The following PODNL1 variants were observed in gnomAD, a reference collection of about 807,000 sequenced individuals.
PODNL1 encodes the protein podocan like 1, also known as podocan-like protein 1.
In PODNL1, 50 loss-of-function variants were observed where a neutral mutation model predicts 45.1. The ratio of observed to expected loss-of-function variants is 1.11; its 90% CI spans 0.88 to 1.40. PODNL1 has a LOEUF of 1.40. Among genes scored for constraint, PODNL1 ranks in the 40% most tolerant of loss-of-function variants. The pLI, the probability that PODNL1 is intolerant of heterozygous loss-of-function variation, is 0.00. For missense variants in PODNL1, 788 were observed against 793.3 expected (o/e 0.99, Z 0.08); for synonymous variants, 406 against 372.5 (o/e 1.09, Z -1.04).
intron 1 of PODNL1, chr19:13,952,929 A>G: frequency 5.8e-6 from 5 of 858,302 alleles, no homozygotes; most frequent in Admixed American, 2.9e-5. Context: ...AGGCGACCCC[A>G]GAGGCCGCAG....
Position 13,931,569 on chromosome 19 carries a change from A to G in PODNL1, c.*168T>C. The G allele has an allele frequency of 1.4e-6, 1 of 693,212 alleles. No homozygotes were observed. Among genetic ancestry groups the G allele is most frequent in the South Asian group, 7.8e-5 (1 of 12,874 alleles). The allele number at this position is 693,212 out of a possible 1,614,324, so 42.9% of individuals were successfully genotyped here. The stretch of plus-strand genomic sequence containing the variant: ...AGGCCGGCGTGGTCTGTGAGCCTGG[A>G]GTATGCCAGCTGTGTGCCTCTGTGT... On this transcript the variant is annotated 3_prime_UTR_variant, in exon 10 of 10. Transcript: ENST00000588872.
chr19:13,938,483 G>A, upstream of PODNL1: 1 of 1,234,064 alleles, frequency 8.1e-7, no homozygotes, highest in Non-Finnish European at 1.0e-6. Flanking sequence ...GCCTGGGCCG[G>A]GCCACAAGAA....
At position 13,933,501 on chromosome 19, in the gene PODNL1, G is replaced by A; in HGVS notation, c.768-46C>T. 5 of 1,509,998 alleles carry A rather than the reference G, an allele frequency of 3.3e-6. No individual in the cohort carries two copies. The highest frequency in any genetic ancestry group is 2.3e-5 in the East Asian group (1 of 43,916). 93.5% of individuals were successfully genotyped at this position (1,509,998 alleles called of 1,614,324 possible). A position where few individuals can be genotyped will look rare whatever the true frequency, so the allele number is the denominator to read the frequency against. On this transcript the variant is annotated intron_variant, in intron 7 of 9. Transcript: ENST00000588872. This position sits in a 1 kb window ranked among gnomAD's most constrained non-coding sequence, Gnocchi z 5.2. ...TGTTAGGTGGGGCACTTGGAGTGGG[G>A]TGCCTGACAGATTTTGGCGGGGAGG...
intron 6 of PODNL1, 123 bp downstream of exon 6, chr19:13,934,131 A>T: frequency 1.5e-6 from 2 of 1,370,912 alleles, no homozygotes; most frequent in Non-Finnish European, 2.0e-6. Context: ...TCAAAGAAGG[A>T]TAACTCTGAC....
chr19:13,933,225 T>C lies in PODNL1; in HGVS notation c.998A>G (p.His333Arg). The change falls in exon 8 of 10, where the codon CAC becomes CGC. Residue 333 changes from histidine to arginine, a missense_variant. Physicochemically the swap from His to Arg is conservative, Grantham distance 29. Transcript: ENST00000588872. This position sits in a 1 kb window ranked among gnomAD's most constrained non-coding sequence, Gnocchi z 5.2. ...CCCATTGCCATAGAGGTGCAGCGTG[T>C]GCAGGCCCCGCAGCGGCCGCAGAGC... Reference protein sequence around the residue: ...AGALRPLRGLHTLHLYGNGLD... With the variant: ...AGALRPLRGLRTLHLYGNGLD... The C allele has an allele frequency of 6.5e-7, 1 of 1,539,618 alleles. No individual in the cohort carries two copies. The highest frequency in any genetic ancestry group is 2.0e-5 in the Admixed American group (1 of 51,106).
chr19:13,946,005 T>TC (rs2145460495), intron 1 of PODNL1, among the ~76,000 whole-genome samples: 1 of 151,762 alleles, frequency 6.6e-6, no homozygotes, highest in African/African-American at 2.4e-5. Context: ...GCCACTGCAC[T>TC]CCAACTTGGG....
At position 13,931,797 on chromosome 19, in the gene PODNL1, C is replaced by T. The variant is rs896250222; in HGVS notation, c.1665G>A (p.Glu555=). The stretch of plus-strand genomic sequence containing the variant: ...TGGGAGGCAGCCGGATCAGGACCTG[C>T]TCCGGATTCCCTGCCGTGTCCACCA... The part of the protein sequence containing the change: ...LRVVDTAGNP[E]QVLIRLPPTT... The change falls in exon 10 of 10, where the codon GAG becomes GAA. Residue 555 remains glutamate (E), a synonymous_variant. Transcript: ENST00000588872. 8 of 1,231,846 alleles carry T rather than the reference C, an allele frequency of 6.5e-6. No homozygotes were observed. Among genetic ancestry groups the T allele is most frequent in the Non-Finnish European group, 8.1e-6 (8 of 987,904 alleles). 76.3% of individuals were successfully genotyped at this position (1,231,846 alleles called of 1,614,324 possible). A position where few individuals can be genotyped will look rare whatever the true frequency, so the allele number is the denominator to read the frequency against.
chr19:13,934,418 G>A lies in PODNL1; in HGVS notation c.495-8C>T, dbSNP rs1972183829. ...TTGTGGAGGTACACGGACCTGAGGA[G>A]AGCCAGGCTCCGGCCACCAGCCTGC... On this transcript the variant is annotated splice_region_variant and splice_polypyrimidine_tract_variant and intron_variant, in intron 5 of 9. Coordinates refer to ENST00000588872, the MANE Select transcript of PODNL1 (RefSeq NM_001370095.3). The A allele has an allele frequency of 6.7e-7, 1 of 1,502,038 alleles. No homozygotes were observed. The highest frequency in any genetic ancestry group is 8.9e-7 in the Non-Finnish European group (1 of 1,123,856). 93.0% of individuals were successfully genotyped at this position (1,502,038 alleles called of 1,614,324 possible).
rs142083249 is a variant in PODNL1, at chr19:13,935,803, G to A, written c.412C>T (p.Arg138Trp). The change falls in exon 5 of 10, where the codon CGG becomes TGG. Residue 138 changes from arginine to tryptophan, a missense_variant. Physicochemically the swap from Arg to Trp is moderately radical, Grantham distance 101. Coordinates refer to ENST00000588872, the MANE Select transcript of PODNL1 (RefSeq NM_001370095.3). ...GCCAGATCCGCGACACGGAGGGACC[G>A]GGGCAGAAACTGAGGGGCCACTGAG... ...KLSVAPQFLPRSLRVADLAAN... is the reference protein window; with the variant it reads ...KLSVAPQFLPWSLRVADLAAN... 1.4e-5 allele frequency: 23 copies of A among 1,602,834 alleles called. No individual in the cohort carries two copies. Among genetic ancestry groups the A allele is most frequent in the African/African-American group, 4.0e-5 (3 of 74,216 alleles).
chr19:13,936,049 G>T lies in PODNL1; in HGVS notation c.320-5C>A, dbSNP rs1321954015. 66 of 1,549,436 alleles carry T rather than the reference G, an allele frequency of 4.3e-5. No individual in the cohort carries two copies. Among genetic ancestry groups the T allele is most frequent in the Admixed American group, 7.8e-5 (4 of 51,086 alleles). ...CGAAGGCCTCGTCAGGCAGGCCTGG[G>T]AGAGTAGGGGGGCAGTGAAGGGACC... On this transcript the variant is annotated splice_region_variant and splice_polypyrimidine_tract_variant and intron_variant, in intron 3 of 9. Coordinates refer to ENST00000588872, the MANE Select transcript of PODNL1 (RefSeq NM_001370095.3).
intron 1 of PODNL1, among the ~76,000 whole-genome samples, chr19:13,952,874 A>C (rs1010979877): frequency 2.5e-4 from 1 of 3,922 alleles, no homozygotes; most frequent in East Asian, 6.8e-3. Context: ...AGGGGCTGGG[A>C]TGGAGGGGGT....
intron 1 of PODNL1, among the ~76,000 whole-genome samples, chr19:13,944,763 G>GT (rs149643438): frequency 0.05 from 7,338 of 146,840 alleles, 218 homozygotes; most frequent in Non-Finnish European, 0.07. Context: ...CCTGTTTGGG[G>GT]TTTTTTTTTT....
rs1339380228 is a variant in PODNL1, at chr19:13,931,482, G to C, written c.*255C>G. ...CTGGTCCGTGCTGAGTGCTGGAAGG[G>C]TTTGGCTTTATTGTTGCTGCCTCCA... On this transcript the variant is annotated 3_prime_UTR_variant, in exon 10 of 10. Coordinates refer to ENST00000588872, the MANE Select transcript of PODNL1 (RefSeq NM_001370095.3). 1 of 389,652 alleles carries C rather than the reference G, an allele frequency of 2.6e-6. No homozygotes were observed. The highest frequency in any genetic ancestry group is 4.5e-6 in the Non-Finnish European group (1 of 222,856). 24.1% of individuals were successfully genotyped at this position (389,652 alleles called of 1,614,324 possible).
upstream of PODNL1, among the ~76,000 whole-genome samples, chr19:13,941,639 C>T (rs187145859): frequency 9.9e-5 from 15 of 152,092 alleles, no homozygotes; most frequent in African/African-American, 3.1e-4. Context: ...GGTGAAACCC[C>T]GTCTCTACTA....
intron 1 of PODNL1, chr19:13,952,414 C>A (rs924638065): frequency 2.2e-5 from 27 of 1,233,444 alleles, no homozygotes; most frequent in Non-Finnish European, 2.6e-5. Context: ...GGGCTTTCGC[C>A]CAACCGGCGG....
chr19:13,946,967 C>T (rs1185656542), intron 1 of PODNL1, among the ~76,000 whole-genome samples: 6 of 147,968 alleles, frequency 4.1e-5, no homozygotes, highest in Admixed American at 6.9e-5. Context: ...GGGAGAATTG[C>T]GTGAGGCTGG....
At chr19:13,944,399 A>G (rs1972752364) in intron 1 of PODNL1, among the ~76,000 whole-genome samples, 1 of 151,738 alleles carries the variant, frequency 6.6e-6, no homozygotes, top group East Asian at 1.9e-4. Flanking sequence ...TCCTGACCTC[A>G]TGATCTGCCT....
Position 13,934,357 on chromosome 19 carries a change from G to T in PODNL1, c.548C>A (p.Ala183Asp). The T allele has an allele frequency of 6.4e-7, 1 of 1,555,380 alleles. No homozygotes were observed. Among genetic ancestry groups the T allele is most frequent in the South Asian group, 1.2e-5 (1 of 82,032 alleles). The change falls in exon 6 of 10, where the codon GCC (alanine) becomes GAC (aspartate). Residue 183 changes from alanine to aspartate, a missense_variant. By Grantham distance (126) the Ala-to-Asp change is moderately radical (BLOSUM62 -2). Transcript: ENST00000588872. ...GGCGATGGCCTCGGAGCCGCGGAAG[G>T]CGTCGGGGGGCAGGCCAGCGTTGCT... Reference protein sequence around the residue: ...QLSNAGLPPDAFRGSEAIATL... With the variant: ...QLSNAGLPPDDFRGSEAIATL...
intron 1 of PODNL1, among the ~76,000 whole-genome samples, chr19:13,945,584 T>C (rs1025579157): frequency 6.6e-6 from 1 of 151,468 alleles, no homozygotes; most frequent in African/African-American, 2.4e-5. Context: ...TCCCCCGAGT[T>C]CAAGTGATTC....
Sources: gnomAD v4.1 joint callset for allele counts (sites outside exome capture counted in the v4.1 genomes callset) on GRCh38, gnomAD v4.1.1 for gene constraint, Gnocchi (gnomAD v3.1) non-coding constraint, MANE v1.5 for transcripts, NCBI Gene and HGNC (gene_info 2026-07-23, HGNC 2026-07-21) for gene names.